The following ABAT variants were observed in gnomAD, a reference collection of about 807,000 sequenced individuals.
ABAT encodes 4-aminobutyrate aminotransferase, mitochondrial.
A neutral mutation model predicts 64.6 loss-of-function variants in ABAT; 45 were observed. The ratio of observed to expected loss-of-function variants is 0.70; its 90% confidence interval spans 0.55 to 0.89. ABAT has a LOEUF of 0.89. Ranked by LOEUF, ABAT falls within the 40% of genes least tolerant of loss-of-function variation. The pLI is 0.00. For synonymous variants in ABAT, 297 were observed against 250.5 expected, an observed-to-expected ratio of 1.19 and a Z score of -1.75; for missense variants, 633 against 658.4, an observed-to-expected ratio of 0.96 and a Z score of 0.42.
At chr16:8,715,914 A>G (rs1424570431) in intron 1 of ABAT, among the ~76,000 whole-genome samples, 1 of 152,216 alleles carries the variant, frequency 6.6e-6, no homozygotes, top group African/African-American at 2.4e-5. Context: ...CACAATGTCC[A>G]CAACTAACTC....
rs1454101575 is a variant in ABAT, at chr16:8,784,199, T to C, written c.*2769T>C. The C allele has an allele frequency of 1.3e-5, 2 of 152,668 alleles. No individual in the cohort carries two copies. Among genetic ancestry groups the C allele is most frequent in the Admixed American group, 6.5e-5 (1 of 15,284 alleles). The allele number at this position is 152,668 out of a possible 1,614,324, so 9.5% of individuals were successfully genotyped here. On this transcript the variant is annotated 3_prime_UTR_variant, in exon 16 of 16. Coordinates refer to ENST00000268251, the MANE Select transcript of ABAT (RefSeq NM_020686.6). ...GAGTTTAGTAACCGTCCAGCAAGTG[T>C]CATCACTTTTACAGAAAACAAGGTC...
chr16:8,751,648 G>A (rs909059696), intron 5 of ABAT, among the ~76,000 whole-genome samples: 2 of 152,152 alleles, frequency 1.3e-5, no homozygotes, highest in South Asian at 2.1e-4. Flanking sequence ...GGGAGAACTC[G>A]TATAATCTCC....
intron 1 of ABAT, among the ~76,000 whole-genome samples, chr16:8,677,363 T>C (rs2057228652): frequency 6.6e-6 from 1 of 152,160 alleles, no homozygotes; most frequent in African/African-American, 2.4e-5. Flanking sequence ...AGAGAGACAG[T>C]GTAGTATGTG....
intron 5 of ABAT, 60 bp from the exon 6 acceptor site, chr16:8,757,697 G>C: frequency 6.6e-7 from 1 of 1,526,248 alleles, no homozygotes; most frequent in East Asian, 2.3e-5. Flanking sequence ...GGAGAGGTGG[G>C]AGGGGCATGG....
chr16:8,746,044 A>T lies in ABAT; in HGVS notation c.114A>T (p.Glu38Asp), dbSNP rs1322020422. ...AAGCTGCAGCCAAAGTCGACGTTGA[A>T]TTTGATTATGATGGGCCTCTGATGA... ...ISQAAAKVDV[E>D]FDYDGPLMKT... Residue 38 changes from glutamate to aspartate, a missense_variant, in exon 3 of 16, where the codon GAA becomes GAT. Transcript: ENST00000268251. The T allele has an allele frequency of 6.2e-7, 1 of 1,614,002 alleles. No individual in the cohort carries two copies. Among genetic ancestry groups the T allele is most frequent in the South Asian group, 1.1e-5 (1 of 91,070 alleles).
At chr16:8,740,433 G>A (rs546587376) in intron 2 of ABAT, among the ~76,000 whole-genome samples, 60 of 152,216 alleles carry the variant, frequency 3.9e-4, no homozygotes, top group African/African-American at 1.3e-3. Flanking sequence ...TCCCACTTAC[G>A]GGGTTGTGGC....
intron 1 of ABAT, among the ~76,000 whole-genome samples, chr16:8,676,357 C>CA (rs1452487471): frequency 1.3e-5 from 2 of 152,092 alleles, no homozygotes; most frequent in East Asian, 3.9e-4. Context: ...CCAACCCCTC[C>CA]AGGACCCTTA....
chr16:8,746,145 G>C, intron 3 of ABAT, 47 bp downstream of exon 3: 2 of 1,496,236 alleles, frequency 1.3e-6, no homozygotes, highest in Non-Finnish European at 1.9e-6. Context: ...AGGGAAAAAG[G>C]CGCCTAAGAA....
chr16:8,764,402 C>T lies in ABAT; in HGVS notation c.447+253C>T, dbSNP rs1318549830. On this transcript the variant is annotated intron_variant, in intron 7 of 15. Transcript: ENST00000268251. The surrounding 1 kb of genome is among the most constrained non-coding windows in gnomAD (Gnocchi z 4.2). ...GCCTTGCATATGTCATTCAATCCTG[C>T]CCCCACTTCTCGGTTTTAGTTACTA... 2.6e-5 allele frequency among the ~76,000 whole-genome samples: 4 copies of T among 152,156 alleles called. No homozygotes were observed. The highest frequency in any genetic ancestry group is 5.9e-5 in the Non-Finnish European group (4 of 68,026).
intron 1 of ABAT, among the ~76,000 whole-genome samples, chr16:8,686,912 G>A (rs1240489014): frequency 6.6e-6 from 1 of 152,218 alleles, no homozygotes; most frequent in African/African-American, 2.4e-5. Context: ...GTCTGAAAGT[G>A]CTTTCCTTAG....
chr16:8,710,729 A>AGAGAGAGGGAGAGGGAGGGG (rs2058052872), intron 1 of ABAT, among the ~76,000 whole-genome samples: 1 of 138,468 alleles, frequency 7.2e-6, no homozygotes, highest in African/African-American at 2.7e-5. Context: ...AGAGAGAGAG[A>AGAGAGAGGGAGAGGGAGGGG]GGAAATAGGC....
intron 1 of ABAT, among the ~76,000 whole-genome samples, chr16:8,719,246 G>C (rs1002041214): frequency 2.0e-5 from 3 of 152,190 alleles, no homozygotes; most frequent in Non-Finnish European, 4.4e-5. Context: ...TGTGGCGTTG[G>C]CCCGGGTAGC....
At chr16:8,728,351 C>T (rs1181212927) in intron 1 of ABAT, among the ~76,000 whole-genome samples, 1 of 152,204 alleles carries the variant, frequency 6.6e-6, no homozygotes, top group Non-Finnish European at 1.5e-5. Flanking sequence ...GATTGGCTCT[C>T]ACTTTTGCAG....
At chr16:8,726,786 G>A (rs1014546155) in intron 1 of ABAT, among the ~76,000 whole-genome samples, 1 of 152,156 alleles carries the variant, frequency 6.6e-6, no homozygotes, top group Admixed American at 6.5e-5. Flanking sequence ...CATAGTGGTT[G>A]TACTAGTTTA....
intron 1 of ABAT, among the ~76,000 whole-genome samples, chr16:8,684,105 C>G (rs2057396910): frequency 6.6e-6 from 1 of 152,106 alleles, no homozygotes; most frequent in South Asian, 2.1e-4. Context: ...GGAGTGAATA[C>G]AGGTTCAAGC....
At chr16:8,731,846 T>A (rs2058730218) in intron 1 of ABAT, among the ~76,000 whole-genome samples, 4 of 152,090 alleles carry the variant, frequency 2.6e-5, no homozygotes, top group Non-Finnish European at 5.9e-5. Context: ...TTTTCCTCTT[T>A]TTCTGTTTCT....
chr16:8,676,211 C>G (rs1171375478), intron 1 of ABAT, among the ~76,000 whole-genome samples: 1 of 152,106 alleles, frequency 6.6e-6, no homozygotes, highest in Non-Finnish European at 1.5e-5. Flanking sequence ...GGTAAATGGT[C>G]CAGTCTGGAG....
intron 1 of ABAT, chr16:8,715,230 G>A (rs983939278): frequency 6.6e-6 from 1 of 152,124 alleles, no homozygotes; most frequent in African/African-American, 2.4e-5. Context: ...AAGGCAAAAG[G>A]GCTGAGAAAT....
At chr16:8,726,262 C>CTCTTTT (rs2058550176) in intron 1 of ABAT, among the ~76,000 whole-genome samples, 1 of 120,818 alleles carries the variant, frequency 8.3e-6, no homozygotes, top group Non-Finnish European at 1.7e-5. Context: ...ATGACTAGAT[C>CTCTTTT]TTTTTTTTTT....
Sources: gnomAD v4.1 joint callset for allele counts (sites outside exome capture counted in the v4.1 genomes callset) on GRCh38, gnomAD v4.1.1 for gene constraint, Gnocchi (gnomAD v3.1) non-coding constraint, MANE v1.5 for transcripts, NCBI Gene and HGNC (gene_info 2026-07-23, HGNC 2026-07-21) for gene names.